The following KIF6 variants were observed in gnomAD, a reference collection of about 807,000 sequenced individuals.
KIF6 encodes the protein kinesin-like protein KIF6.
In KIF6, 106 loss-of-function variants were observed where a neutral mutation model predicts 112.7. The observed-to-expected ratio is 0.94, with a 90% CI of 0.80 to 1.11. The LOEUF (loss-of-function observed/expected upper bound fraction) is 1.11, where lower values mean the gene tolerates loss of function less well. Ranked by LOEUF, KIF6 falls within the 50% of genes least tolerant of loss-of-function variation. The pLI is 0.00. For missense variants in KIF6, 929 were observed against 964.0 expected (o/e 0.96, Z 0.48); for synonymous variants, 339 against 339.9 (o/e 1.00, Z 0.03).
intron 13 of KIF6, among the ~76,000 whole-genome samples, chr6:39,515,646 AAC>A (rs1777044373): frequency 6.6e-6 from 1 of 152,192 alleles, no homozygotes; most frequent in Admixed American, 6.5e-5. Flanking sequence ...GAATACGACT[AAC>A]ATGTCATCAC....
At chr6:39,355,287 C>T (rs534565249) in intron 19 of KIF6, among the ~76,000 whole-genome samples, 3 of 151,784 alleles carry the variant, frequency 2.0e-5, no homozygotes, top group Admixed American at 6.6e-5. Flanking sequence ...TATCTATATA[C>T]ATTAAACATT....
chr6:39,468,534 T>A (rs1449783528), intron 13 of KIF6, among the ~76,000 whole-genome samples: 1 of 152,110 alleles, frequency 6.6e-6, no homozygotes, highest in Non-Finnish European at 1.5e-5. Flanking sequence ...TAATGAGACA[T>A]GATGAAGGCC....
chr6:39,638,043 G>A (rs1784718253), intron 4 of KIF6, among the ~76,000 whole-genome samples: 1 of 152,012 alleles, frequency 6.6e-6, no homozygotes, highest in Non-Finnish European at 1.5e-5. Context: ...CTTTGGGAGA[G>A]GATGAGTTTA....
intron 3 of KIF6, among the ~76,000 whole-genome samples, chr6:39,688,612 G>A (rs1237929682): frequency 6.6e-6 from 1 of 152,126 alleles, no homozygotes; most frequent in Non-Finnish European, 1.5e-5. Context: ...ACGAGTAGTA[G>A]CCTTTCTCAG....
intron 10 of KIF6, among the ~76,000 whole-genome samples, chr6:39,568,633 C>T (rs1253156316): frequency 2.0e-5 from 3 of 152,068 alleles, no homozygotes; most frequent in East Asian, 3.9e-4. Context: ...TCACTGCAAC[C>T]TCTGCCTCCC....
intron 16 of KIF6, among the ~76,000 whole-genome samples, chr6:39,372,799 A>G (rs568616954): frequency 5.3e-5 from 8 of 152,260 alleles, no homozygotes; most frequent in Admixed American, 5.2e-4. Context: ...TTATTTCTCA[A>G]ATAGATATCA....
intron 3 of KIF6, among the ~76,000 whole-genome samples, chr6:39,660,164 T>G (rs2150809891): frequency 6.6e-6 from 1 of 152,204 alleles, no homozygotes; most frequent in South Asian, 2.1e-4. Context: ...TTTTAAAAAT[T>G]TCCAATAAAA....
chr6:39,644,900 T>C (rs1785089778), intron 3 of KIF6, among the ~76,000 whole-genome samples: 1 of 152,348 alleles, frequency 6.6e-6, no homozygotes, highest in East Asian at 1.9e-4. Context: ...ATGTGTATAC[T>C]ATCTTTTCAG....
intron 15 of KIF6, among the ~76,000 whole-genome samples, chr6:39,416,056 G>A (rs1769896478): frequency 6.6e-6 from 1 of 152,182 alleles, no homozygotes; most frequent in Non-Finnish European, 1.5e-5. Flanking sequence ...TTTCATTTAG[G>A]CCTGGAGGGG....
chr6:39,715,505 A>AT (rs34333435), intron 2 of KIF6, among the ~76,000 whole-genome samples: 10,723 of 138,178 alleles, frequency 0.078, 563 homozygotes, highest in Middle Eastern at 0.12. Flanking sequence ...CACAGAATCT[A>AT]TTTTTTTTTT....
chr6:39,674,260 G>A (rs535727651), intron 3 of KIF6, among the ~76,000 whole-genome samples: 12 of 152,236 alleles, frequency 7.9e-5, no homozygotes, highest in African/African-American at 2.9e-4. Flanking sequence ...CCCCACAGAT[G>A]AATTGTATAA....
intron 6 of KIF6, among the ~76,000 whole-genome samples, chr6:39,605,084 A>G (rs1782812445): frequency 6.6e-6 from 1 of 152,132 alleles, no homozygotes. Context: ...TTCAATTATC[A>G]TTCTTACACA....
intron 5 of KIF6, among the ~76,000 whole-genome samples, chr6:39,616,988 T>C (rs1236303022): frequency 1.3e-5 from 2 of 152,212 alleles, no homozygotes; most frequent in Admixed American, 1.3e-4. Flanking sequence ...GTTCTGACTG[T>C]AATTTTCATG....
intron 7 of KIF6, among the ~76,000 whole-genome samples, chr6:39,590,451 A>ATATATATATATT (rs1338373703): frequency 3.5e-5 from 3 of 84,776 alleles, no homozygotes; most frequent in African/African-American, 1.0e-4. Context: ...ATATATATAT[A>ATATATATATATT]TTTTTTTTTT....
chr6:39,633,861 A>G (rs1024539507), intron 5 of KIF6, among the ~76,000 whole-genome samples: 4 of 152,202 alleles, frequency 2.6e-5, no homozygotes, highest in African/African-American at 9.6e-5. Context: ...TTCCACACAC[A>G]TACACAAAAG....
chr6:39,504,981 C>G (rs1167144030), intron 13 of KIF6, among the ~76,000 whole-genome samples: 2 of 152,186 alleles, frequency 1.3e-5, no homozygotes, highest in African/African-American at 4.8e-5. Flanking sequence ...ACATTTTTCA[C>G]AGAATTAGAA....
chr6:39,642,034 T>A lies in KIF6; in HGVS notation c.252-2277A>T, dbSNP rs973432754. ...GTAATCAGGCAAAATTTGTCTCCAG[T>A]CCCTTCTGTAGAGCCTCCATTCCAA... is the stretch of plus-strand genomic sequence containing the variant. On this transcript the variant is annotated intron_variant, in intron 3 of 22. Transcript: ENST00000287152. 2.6e-5 allele frequency among the ~76,000 whole-genome samples: 4 copies of A among 152,180 alleles called. No individual in the cohort carries two copies. In the East Asian group the frequency reaches 7.7e-4, roughly 29 times the overall value.
intron 13 of KIF6, among the ~76,000 whole-genome samples, chr6:39,493,389 C>T (rs925580888): frequency 6.6e-6 from 1 of 152,194 alleles, no homozygotes; most frequent in African/African-American, 2.4e-5. Flanking sequence ...ACTAGAAATT[C>T]CTCCTGTCAT....
At chr6:39,614,607 A>T (rs374599523) in intron 5 of KIF6, among the ~76,000 whole-genome samples, 21 of 152,308 alleles carry the variant, frequency 1.4e-4, no homozygotes, top group African/African-American at 4.8e-4. Flanking sequence ...GTCACTAATA[A>T]TGTCCTCCTT....
Sources: allele counts gnomAD v4.1 joint callset (sites outside exome capture counted in the v4.1 genomes callset), GRCh38; gene constraint gnomAD v4.1.1; transcripts MANE v1.5; gene names NCBI Gene and HGNC (gene_info 2026-07-23, HGNC 2026-07-21).